PCDH9: variants seen among roughly 807,000 people sequenced by gnomAD.
The protein encoded by PCDH9 is protocadherin 9.
PCDH9 carries 24 observed loss-of-function variants against 70.6 expected under a neutral mutation model. The ratio of observed to expected loss-of-function variants is 0.34; its 90% CI spans 0.25 to 0.48. The LOEUF (loss-of-function observed/expected upper bound fraction) is 0.48, where lower values mean the gene tolerates loss of function less well. PCDH9 is among the 20% of genes least tolerant of loss of function. PCDH9 has a pLI of 0.99. For missense variants in PCDH9, 1,281 were observed against 1,503.6 expected (o/e 0.85, Z 2.45); for synonymous variants, 562 against 558.5 (o/e 1.01, Z -0.09).
intron 2 of PCDH9, among the ~76,000 whole-genome samples, chr13:67,016,467 T>C (rs192421147): frequency 9.9e-5 from 15 of 152,280 alleles, no homozygotes; most frequent in Admixed American, 2.0e-4. Context: ...ATTTGATAAA[T>C]TGGATTCACA....
chr13:66,597,532 A>G (rs1246684880), intron 4 of PCDH9, among the ~76,000 whole-genome samples: 2 of 151,764 alleles, frequency 1.3e-5, no homozygotes, highest in Admixed American at 1.3e-4. Context: ...TCCACATGCA[A>G]AAGAATGAAA....
At chr13:66,498,205 G>T (rs192850732) in intron 4 of PCDH9, among the ~76,000 whole-genome samples, 1 of 53,570 alleles carries the variant, frequency 1.9e-5, no homozygotes, top group Admixed American at 2.1e-4. Flanking sequence ...GTGCAGTGGC[G>T]CGATCTCGGC....
chr13:67,174,300 T>C (rs1374136716), intron 2 of PCDH9, among the ~76,000 whole-genome samples: 1 of 147,912 alleles, frequency 6.8e-6, no homozygotes, highest in African/African-American at 2.5e-5. Flanking sequence ...AGATGATAGA[T>C]AGATAGATAG....
chr13:66,445,266 C>G (rs1477448275), intron 4 of PCDH9, among the ~76,000 whole-genome samples: 1 of 146,998 alleles, frequency 6.8e-6, no homozygotes, highest in Non-Finnish European at 1.5e-5. Flanking sequence ...GATAATTTCA[C>G]TAAAAATAAA....
At chr13:66,867,112 C>A (rs1013013314) in intron 3 of PCDH9, among the ~76,000 whole-genome samples, 1 of 151,340 alleles carries the variant, frequency 6.6e-6, no homozygotes, top group Admixed American at 6.6e-5. Flanking sequence ...TGAACTCACA[C>A]AGAAAGAGAA....
intron 4 of PCDH9, among the ~76,000 whole-genome samples, chr13:66,622,363 C>G (rs1356060446): frequency 1.3e-5 from 2 of 152,194 alleles, no homozygotes; most frequent in Admixed American, 6.5e-5. Context: ...CAGGCAGCTC[C>G]ACCTGCAGCC....
chr13:66,919,450 A>T lies in PCDH9; in HGVS notation c.3037-15845T>A, dbSNP rs545201464. ...CATGTTTTTGTCTATTTCTTCCTTG[A>T]TGTCTTCTGTGCTATGCATAGTGTC... On this transcript the variant is annotated intron_variant, in intron 2 of 4. Transcript: ENST00000377865. 2.0e-5 allele frequency among the ~76,000 whole-genome samples: 3 copies of T among 151,196 alleles called. No homozygotes were observed. In the East Asian group the frequency reaches 5.8e-4, roughly 29 times the overall value.
chr13:66,909,027 G>T (rs1422508227), intron 2 of PCDH9, among the ~76,000 whole-genome samples: 1 of 151,920 alleles, frequency 6.6e-6, no homozygotes, highest in Non-Finnish European at 1.5e-5. Context: ...TGAAGGAAAT[G>T]TTACCTGTAT....
chr13:66,927,391 G>A (rs2082733879), intron 2 of PCDH9, among the ~76,000 whole-genome samples: 1 of 151,912 alleles, frequency 6.6e-6, no homozygotes. Flanking sequence ...CTTCGAGGGT[G>A]GAGGATAGGA....
At chr13:67,160,056 A>ATGAG (rs887421019) in intron 2 of PCDH9, among the ~76,000 whole-genome samples, 6 of 152,176 alleles carry the variant, frequency 3.9e-5, no homozygotes, top group African/African-American at 1.4e-4. Context: ...GCCTCCTCAG[A>ATGAG]TGAGCATCTC....
intron 2 of PCDH9, among the ~76,000 whole-genome samples, chr13:67,137,148 A>G (rs2087252752): frequency 1.3e-5 from 2 of 152,042 alleles, no homozygotes; most frequent in South Asian, 2.1e-4. Context: ...AATTATCTAT[A>G]TTTATTTATC....
At position 66,756,029 on chromosome 13, in the gene PCDH9, CA is replaced by C. The variant is rs2079534068; in HGVS notation, c.3139-124619del. 1.3e-5 allele frequency among the ~76,000 whole-genome samples: 2 copies of C among 151,940 alleles called. 1 individual carries two copies. Among genetic ancestry groups the C allele is most frequent in the African/African-American group, 4.8e-5 (2 of 41,336 alleles). ...ATTGTGGTCAAATATTGATTAATAC[CA>C]AGGACCCACTGAAGGCCCCAAGTAA... is the stretch of plus-strand genomic sequence containing the variant. On this transcript the variant is annotated intron_variant, in intron 3 of 4. Coordinates refer to ENST00000377865, the MANE Select transcript of PCDH9 (RefSeq NM_203487.3).
At chr13:67,161,528 C>G (rs764122549) in intron 2 of PCDH9, among the ~76,000 whole-genome samples, 42 of 152,334 alleles carry the variant, frequency 2.8e-4, no homozygotes, top group Non-Finnish European at 4.6e-4. Context: ...AACCATGGAG[C>G]CCTTACCTGA....
chr13:66,759,699 C>T lies in PCDH9; in HGVS notation c.3139-128288G>A, dbSNP rs1194857820. Among the ~76,000 whole-genome samples, 10 of 61,426 alleles carry T rather than the reference C, an allele frequency of 1.6e-4. No homozygotes were observed. In the Admixed American group the frequency reaches 1.8e-3, roughly 11 times the overall value. The allele number at this position is 61,426 out of a possible 152,430, so 40.3% of individuals were successfully genotyped here. A position where few individuals can be genotyped will look rare whatever the true frequency, so the allele number is the denominator to read the frequency against. The stretch of plus-strand genomic sequence containing the variant: ...ACAGTTACCATGAGGCTTATAAAAA[C>T]ATTTTATAGCTTATAAAAACATTTT... On this transcript the variant is annotated intron_variant, in intron 3 of 4. Coordinates refer to ENST00000377865, the MANE Select transcript of PCDH9 (RefSeq NM_203487.3).
At chr13:66,314,884 G>T (rs1466979729) in intron 4 of PCDH9, among the ~76,000 whole-genome samples, 1 of 152,174 alleles carries the variant, frequency 6.6e-6, no homozygotes, top group Non-Finnish European at 1.5e-5. Context: ...ATATGGCAAA[G>T]GGGATTTTGT....
At chr13:66,796,465 T>C (rs1353150852) in intron 3 of PCDH9, among the ~76,000 whole-genome samples, 1 of 152,172 alleles carries the variant, frequency 6.6e-6, no homozygotes, top group Non-Finnish European at 1.5e-5. Flanking sequence ...TTTCTGCTGA[T>C]AGTGACAGCT....
rs1326723962 is a variant in PCDH9, at chr13:67,021,869, T to G, written c.3037-118264A>C. ...GCCACCATGCCTGGCGATAGTGTAA[T>G]TTTTAAATGTAAATTATTTTTGTTT... is the stretch of plus-strand genomic sequence containing the variant. On this transcript the variant is annotated intron_variant, in intron 2 of 4. Transcript: ENST00000377865. Among the ~76,000 whole-genome samples, 5 of 152,154 alleles carry G rather than the reference T, an allele frequency of 3.3e-5. No homozygotes were observed. The South Asian group carries it at 6.2e-4, about 19-fold the overall frequency.
At chr13:66,815,846 TACATCAAACCCCTGTG>T (rs976848337) in intron 3 of PCDH9, among the ~76,000 whole-genome samples, 1 of 152,128 alleles carries the variant, frequency 6.6e-6, no homozygotes, top group Non-Finnish European at 1.5e-5. Context: ...AAATAATCTG[TACATCAAACCCCTGTG>T]ATATGTAATT....
chr13:66,581,331 ATAATTAT>A (rs1201314738), intron 4 of PCDH9, among the ~76,000 whole-genome samples: 1 of 152,170 alleles, frequency 6.6e-6, no homozygotes, highest in East Asian at 1.9e-4. Context: ...TTAAGATAGC[ATAATTAT>A]TAAACCAGAC....
Sources: allele counts gnomAD v4.1 joint callset (sites outside exome capture counted in the v4.1 genomes callset), GRCh38; gene constraint gnomAD v4.1.1; transcripts MANE v1.5; gene names NCBI Gene and HGNC (gene_info 2026-07-23, HGNC 2026-07-21).